The following SPACA9 variants were observed in gnomAD, a reference collection of about 807,000 sequenced individuals.
SPACA9 encodes sperm acrosome-associated protein 9.
A neutral mutation model predicts 12.5 loss-of-function variants in SPACA9; 14 were observed. The ratio of observed to expected loss-of-function variants is 1.12; its 90% confidence interval spans 0.74 to 1.75. The LOEUF is 1.75. Among genes scored for constraint, SPACA9 ranks in the 40% most tolerant of loss-of-function variants. SPACA9 has a pLI of 0.00. For missense variants in SPACA9, 292 were observed against 291.9 expected (o/e 1.00, Z 0.00); for synonymous variants, 111 against 114.1 (o/e 0.97, Z 0.17).
chr9:132,884,147 C>A, intron 2 of SPACA9, 56 bp downstream of exon 2: 1 of 1,581,332 alleles, frequency 6.3e-7, no homozygotes, highest in African/African-American at 1.3e-5. Flanking sequence ...TCCCCTCTCA[C>A]AAAAGATGAA....
In SPACA9 at chr9:132,887,892, G is replaced by A. The variant is rs772661832; in HGVS notation, c.347+321G>A. On this transcript the variant is annotated intron_variant, in intron 3 of 3. Transcript: ENST00000356311. This position sits in a 1 kb window ranked among gnomAD's most constrained non-coding sequence, Gnocchi z 5.4. ...ATGCAAAGAAGTGGACACCAGAGCC[G>A]CCTCCCAGGGGCAGCAGCACTGGCA... Among the ~76,000 whole-genome samples, 24 of 152,104 alleles carry A rather than the reference G, an allele frequency of 1.6e-4. No individual in the cohort carries two copies. The highest frequency in any genetic ancestry group is 4.6e-4 in the Admixed American group (7 of 15,278).
In SPACA9 at chr9:132,889,016, G is replaced by A. The variant is rs1208055769; in HGVS notation, c.*405G>A. 3 of 879,656 alleles carry A rather than the reference G, an allele frequency of 3.4e-6. No individual in the cohort carries two copies. The highest frequency in any genetic ancestry group is 1.8e-5 in the African/African-American group (1 of 55,086). The allele number at this position is 879,656 out of a possible 1,614,324, so 54.5% of individuals were successfully genotyped here. ...TCTCCTGACCTCATGATCTACCCTC[G>A]TGATCGGCCTCCCAAAGTGCTGGGA... On this transcript the variant is annotated 3_prime_UTR_variant, in exon 4 of 4. Coordinates refer to ENST00000356311, the MANE Select transcript of SPACA9 (RefSeq NM_001316897.2).
intron 1 of SPACA9, among the ~76,000 whole-genome samples, chr9:132,881,508 A>G (rs1163485235): frequency 6.6e-6 from 1 of 151,494 alleles, no homozygotes; most frequent in African/African-American, 2.4e-5. Context: ...GCTCATGCCT[A>G]TCATCCCAGC....
At chr9:132,884,976 G>C (rs1309437696) in intron 2 of SPACA9, among the ~76,000 whole-genome samples, 2 of 151,926 alleles carry the variant, frequency 1.3e-5, no homozygotes, top group African/African-American at 4.8e-5. Context: ...AGCTGGGCGT[G>C]GTGGTGCGCA....
chr9:132,888,470 CA>C lies in SPACA9; in HGVS notation c.529del (p.Arg177GlyfsTer10), dbSNP rs1564460271. ...SEPQAHQESTRGAARPAQAIG... is the reference protein window; with the variant it reads ...SEPQAHQESTXGAARPAQAIG... ...AGCCCCAGGCGCACCAGGAGAGCAC[CA>C]GGGGAGCCGCTCGTCCTGCCCAGGC... is the stretch of plus-strand genomic sequence containing the variant. On this transcript the variant is annotated frameshift_variant, in exon 4 of 4. Coordinates refer to ENST00000356311, the MANE Select transcript of SPACA9 (RefSeq NM_001316897.2). LOFTEE classifies it low-confidence loss of function (END_TRUNC). The surrounding 1 kb of genome is among the most constrained non-coding windows in gnomAD (Gnocchi z 5.0). 6.2e-7 allele frequency: 1 copy of C among 1,611,120 alleles called. No individual in the cohort carries two copies. Among genetic ancestry groups the C allele is most frequent in the East Asian group, 2.2e-5 (1 of 44,644 alleles).
Position 132,887,080 on chromosome 9 carries a change from C to T in SPACA9, c.145-289C>T, listed in dbSNP as rs1271258355. Reference sequence around the variant, plus strand: ...CCGCCCACCTCAGCCTCCCAAAGTGCGGGGATTACACGTGTGAGCCACTGT... The same window carrying T: ...CCGCCCACCTCAGCCTCCCAAAGTGTGGGGATTACACGTGTGAGCCACTGT... On this transcript the variant is annotated intron_variant, in intron 2 of 3. Transcript: ENST00000356311. This position sits in a 1 kb window ranked among gnomAD's most constrained non-coding sequence, Gnocchi z 5.4. Among the ~76,000 whole-genome samples the T allele has an allele frequency of 2.0e-5, 3 of 151,984 alleles. No individual in the cohort carries two copies. The highest frequency in any genetic ancestry group is 4.8e-5 in the African/African-American group (2 of 41,344).
intron 1 of SPACA9, among the ~76,000 whole-genome samples, chr9:132,880,652 A>G (rs569732414): frequency 7.2e-5 from 11 of 152,166 alleles, no homozygotes; most frequent in Non-Finnish European, 1.5e-4. Context: ...CGGCAATTCA[A>G]TCATTGAGGT....
intron 1 of SPACA9, among the ~76,000 whole-genome samples, chr9:132,883,349 T>C (rs183063662): frequency 1.3e-5 from 2 of 152,358 alleles, no homozygotes; most frequent in Admixed American, 6.5e-5. Context: ...TTCTCCCCGC[T>C]TAATCCATGG....
intron 1 of SPACA9, among the ~76,000 whole-genome samples, chr9:132,882,369 G>A (rs1350262871): frequency 6.6e-6 from 1 of 152,050 alleles, no homozygotes; most frequent in Non-Finnish European, 1.5e-5. Flanking sequence ...ATCATCTCGC[G>A]GAGGCCATCT....
chr9:132,884,207 C>A, intron 2 of SPACA9, 116 bp downstream of exon 2: 1 of 1,078,402 alleles, frequency 9.3e-7, no homozygotes, highest in Non-Finnish European at 1.3e-6. Context: ...AATTAGGACC[C>A]GGACCCAGAA....
Position 132,887,524 on chromosome 9 carries a change from CA to C in SPACA9, c.304del (p.Thr102ProfsTer9), listed in dbSNP as rs1356007328. The C allele has an allele frequency of 2.5e-6, 4 of 1,614,066 alleles. No homozygotes were observed. In the South Asian group the frequency reaches 4.4e-5, roughly 18 times the overall value. The part of the protein sequence containing the change: ...PVTNNLLEKC[K>X]TLVSQSNDLS... ...TCACCAACAACCTCCTGGAGAAATG[CA>C]AAACCCTCGTTAGCCAAAGCAACGA... On this transcript the variant is annotated frameshift_variant, in exon 3 of 4. Transcript: ENST00000356311. LOFTEE classifies it low-confidence loss of function (END_TRUNC). This position sits in a 1 kb window ranked among gnomAD's most constrained non-coding sequence, Gnocchi z 5.4.
chr9:132,880,097 C>T (rs1031973706), intron 1 of SPACA9, among the ~76,000 whole-genome samples: 1 of 152,272 alleles, frequency 6.6e-6, no homozygotes, highest in Non-Finnish European at 1.5e-5. Flanking sequence ...CTGCCATTTG[C>T]ACTGGAGAGG....
chr9:132,889,661 C>T lies in SPACA9; in HGVS notation c.*1050C>T, dbSNP rs183858148. Reference sequence around the variant, plus strand: ...AACTCCTGACCTCAACTGGTCCACCCGCCTCGGCCTCCCAAAGTGCTGGGA... The same window carrying T: ...AACTCCTGACCTCAACTGGTCCACCTGCCTCGGCCTCCCAAAGTGCTGGGA... On this transcript the variant is annotated 3_prime_UTR_variant, in exon 4 of 4. Coordinates refer to ENST00000356311, the MANE Select transcript of SPACA9 (RefSeq NM_001316897.2). 1.1e-3 allele frequency: 1,037 copies of T among 943,104 alleles called. 4 individuals carry two copies. Among genetic ancestry groups the T allele is most frequent in the African/African-American group, 7.3e-3 (416 of 56,842 alleles). 58.4% of individuals were successfully genotyped at this position (943,104 alleles called of 1,614,324 possible).
At chr9:132,879,593 T>G (rs1844327332) in intron 1 of SPACA9, among the ~76,000 whole-genome samples, 1 of 152,180 alleles carries the variant, frequency 6.6e-6, no homozygotes, top group Admixed American at 6.5e-5. Flanking sequence ...GTTCCAACAA[T>G]CCTGTGAAAT....
chr9:132,882,690 T>C (rs1488737839), intron 1 of SPACA9, among the ~76,000 whole-genome samples: 1 of 152,104 alleles, frequency 6.6e-6, no homozygotes, highest in Non-Finnish European at 1.5e-5. Context: ...CCCCAGTCCA[T>C]GCTAAATGTT....
upstream of SPACA9, chr9:132,878,504 G>C (rs1474438346): frequency 8.3e-7 from 1 of 1,200,512 alleles, no homozygotes; most frequent in African/African-American, 1.6e-5. The surrounding 1 kb of genome is among the most constrained non-coding windows in gnomAD (Gnocchi z 4.7). Flanking sequence ...ACACCCTCAG[G>C]TGGCTTCCAG....
At chr9:132,878,683 G>A (rs1362894541), upstream of SPACA9, 1 of 993,276 alleles carries the variant, frequency 1.0e-6, no homozygotes, top group African/African-American at 1.7e-5. This position sits in a 1 kb window ranked among gnomAD's most constrained non-coding sequence, Gnocchi z 4.7. Flanking sequence ...AAATGTGGGG[G>A]AGGGTGTTTG....
chr9:132,888,595 C>G lies in SPACA9; in HGVS notation c.653C>G (p.Pro218Arg), dbSNP rs2131497287. The G allele has an allele frequency of 6.5e-7, 1 of 1,532,526 alleles. No individual in the cohort carries two copies. Among genetic ancestry groups the G allele is most frequent in the Non-Finnish European group, 8.8e-7 (1 of 1,137,004 alleles). The allele number at this position is 1,532,526 out of a possible 1,614,324, so 94.9% of individuals were successfully genotyped here. A position where few individuals can be genotyped will look rare whatever the true frequency, so the allele number is the denominator to read the frequency against. ...RGCSKPPWRP[P>R]GGKL Reference sequence around the variant, plus strand: ...TGTTCAAAACCACCCTGGAGGCCTCCTGGTGGGAAATTGTAACTCAGAGCC... The same window carrying G: ...TGTTCAAAACCACCCTGGAGGCCTCGTGGTGGGAAATTGTAACTCAGAGCC... Residue 218 changes from proline (P) to arginine (R), a missense_variant, in exon 4 of 4, where the codon CCT becomes CGT. Coordinates refer to ENST00000356311, the MANE Select transcript of SPACA9 (RefSeq NM_001316897.2). This position sits in a 1 kb window ranked among gnomAD's most constrained non-coding sequence, Gnocchi z 5.0.
chr9:132,889,742 G>T lies in SPACA9; in HGVS notation c.*1131G>T. 1 of 1,243,848 alleles carries T rather than the reference G, an allele frequency of 8.0e-7. No individual in the cohort carries two copies. The highest frequency in any genetic ancestry group is 1.0e-6 in the Non-Finnish European group (1 of 981,778). 77.1% of individuals were successfully genotyped at this position (1,243,848 alleles called of 1,614,324 possible). On this transcript the variant is annotated 3_prime_UTR_variant, in exon 4 of 4. Coordinates refer to ENST00000356311, the MANE Select transcript of SPACA9 (RefSeq NM_001316897.2). Reference sequence around the variant, plus strand: ...AACTCAGTAGTGTGTTTAGTTCTCTGGACCACAGCCAAAGGGGAATAAACT... The same window carrying T: ...AACTCAGTAGTGTGTTTAGTTCTCTTGACCACAGCCAAAGGGGAATAAACT...
Sources: allele counts gnomAD v4.1 joint callset (sites outside exome capture counted in the v4.1 genomes callset), GRCh38; gene constraint gnomAD v4.1.1; non-coding constraint Gnocchi (gnomAD v3.1); transcripts MANE v1.5; gene names NCBI Gene and HGNC (gene_info 2026-07-23, HGNC 2026-07-21).